Variants in SAMD12 observed in about 807,000 individuals in gnomAD.
The protein encoded by SAMD12 is sterile alpha motif domain-containing protein 12.
In SAMD12, 9 loss-of-function variants were observed where a neutral mutation model predicts 15.0. The ratio of observed to expected loss-of-function variants is 0.60; its 90% confidence interval spans 0.36 to 1.05. The LOEUF (loss-of-function observed/expected upper bound fraction) is 1.05. SAMD12 is among the 50% of genes least tolerant of loss of function. The pLI is 0.01. For synonymous variants in SAMD12, 86 were observed against 90.1 expected, an observed-to-expected ratio of 0.96 and a Z score of 0.25; for missense variants, 230 against 234.2, an observed-to-expected ratio of 0.98 and a Z score of 0.12.
At chr8:118,268,423 A>G (rs1484475957) in intron 4 of SAMD12, among the ~76,000 whole-genome samples, 2 of 152,162 alleles carry the variant, frequency 1.3e-5, no homozygotes, top group African/African-American at 4.8e-5. Context: ...CTGGGAAGCA[A>G]TGATAATCTT....
intron 2 of SAMD12, among the ~76,000 whole-genome samples, chr8:118,460,089 A>G (rs938966075): frequency 8.5e-5 from 13 of 152,214 alleles, no homozygotes; most frequent in African/African-American, 2.9e-4. Flanking sequence ...TTCCAATGAT[A>G]ATATGGCCTC....
intron 2 of SAMD12, among the ~76,000 whole-genome samples, chr8:118,521,306 T>C (rs1027119007): frequency 3.3e-5 from 5 of 152,184 alleles, no homozygotes; most frequent in Admixed American, 6.5e-5. Context: ...CTGGCTGCCA[T>C]GTCTATTTCC....
intron 4 of SAMD12, among the ~76,000 whole-genome samples, chr8:118,266,058 T>C (rs1453593316): frequency 6.6e-6 from 1 of 152,112 alleles, no homozygotes; most frequent in Non-Finnish European, 1.5e-5. Flanking sequence ...CTTACAATCA[T>C]GGCAGAGGGG....
At chr8:118,268,593 AC>A (rs1212220817) in intron 4 of SAMD12, among the ~76,000 whole-genome samples, 1 of 151,962 alleles carries the variant, frequency 6.6e-6, no homozygotes, top group Non-Finnish European at 1.5e-5. Context: ...GGCAGGCAGA[AC>A]ACCTGAGGTT....
intron 2 of SAMD12, among the ~76,000 whole-genome samples, chr8:118,481,330 T>G (rs2130990456): frequency 6.6e-6 from 1 of 152,304 alleles, no homozygotes; most frequent in Admixed American, 6.5e-5. Context: ...ACAGGCCATC[T>G]CTATTTAGGT....
intron 2 of SAMD12, among the ~76,000 whole-genome samples, chr8:118,550,478 T>C (rs1405187867): frequency 6.6e-6 from 1 of 152,162 alleles, no homozygotes; most frequent in Non-Finnish European, 1.5e-5. Context: ...AAGCAAATGC[T>C]GAGAGATTTT....
At chr8:118,383,935 A>T (rs1347421825) in intron 3 of SAMD12, among the ~76,000 whole-genome samples, 4 of 152,168 alleles carry the variant, frequency 2.6e-5, no homozygotes, top group Non-Finnish European at 5.9e-5. Context: ...AAGTAAACCG[A>T]CAACTAGATC....
chr8:118,341,226 C>T (rs1388574300), intron 4 of SAMD12, among the ~76,000 whole-genome samples: 2 of 152,252 alleles, frequency 1.3e-5, no homozygotes, highest in South Asian at 2.1e-4. Flanking sequence ...GGCCTTGTGA[C>T]ATGGTGCCTC....
At chr8:118,447,313 T>C (rs1822943905) in intron 2 of SAMD12, among the ~76,000 whole-genome samples, 1 of 151,988 alleles carries the variant, frequency 6.6e-6, no homozygotes, top group Non-Finnish European at 1.5e-5. Context: ...TTTTTTTTTT[T>C]CTTTTTTGAG....
intron 2 of SAMD12, among the ~76,000 whole-genome samples, chr8:118,554,693 T>TA (rs752618784): frequency 5.8e-4 from 83 of 143,950 alleles, no homozygotes; most frequent in Admixed American, 1.5e-3. Context: ...AAAAAAGAAC[T>TA]AAAAAAAAAA....
intron 2 of SAMD12, among the ~76,000 whole-genome samples, chr8:118,552,896 CAGAG>C (rs1318475985): frequency 2.0e-5 from 3 of 151,878 alleles, no homozygotes; most frequent in Admixed American, 1.3e-4. Context: ...AACAGACAAA[CAGAG>C]AGCCAAATCA....
chr8:118,478,576 G>T (rs1824031085), intron 2 of SAMD12, among the ~76,000 whole-genome samples: 1 of 152,196 alleles, frequency 6.6e-6, no homozygotes, highest in African/African-American at 2.4e-5. Context: ...CCCCTTTCAG[G>T]GTTGTGGCAA....
chr8:118,352,564 G>A, intron 4 of SAMD12, among the ~76,000 whole-genome samples: 1 of 152,142 alleles, frequency 6.6e-6, no homozygotes, highest in East Asian at 1.9e-4. Context: ...TAATGGAAGT[G>A]TCACCAAAGA....
At chr8:118,533,997 T>G (rs200557828) in intron 2 of SAMD12, among the ~76,000 whole-genome samples, 39 of 152,128 alleles carry the variant, frequency 2.6e-4, no homozygotes, top group Admixed American at 4.6e-4. Flanking sequence ...GATGTTAGCT[T>G]GTTATTTTGC....
At chr8:118,420,965 A>T (rs1449903582) in intron 3 of SAMD12, among the ~76,000 whole-genome samples, 1 of 152,176 alleles carries the variant, frequency 6.6e-6, no homozygotes, top group Non-Finnish European at 1.5e-5. Context: ...ACAAACATGG[A>T]GTTTAGCAGT....
At chr8:118,138,876 C>T in the SAMD12 span, among the ~76,000 whole-genome samples, 13 of 152,164 alleles carry the variant, frequency 8.5e-5, no homozygotes, top group African/African-American at 3.1e-4. Context: ...CTGGTGACTG[C>T]ACAAGCTCCA....
intron 4 of SAMD12, among the ~76,000 whole-genome samples, chr8:118,233,414 C>A (rs139393243): frequency 9.2e-5 from 14 of 152,160 alleles, no homozygotes; most frequent in African/African-American, 3.4e-4. Context: ...GACATCTTCC[C>A]GGACCTCTGT....
intron 4 of SAMD12, among the ~76,000 whole-genome samples, chr8:118,275,224 T>C (rs1813444793): frequency 6.6e-6 from 1 of 152,196 alleles, no homozygotes; most frequent in African/African-American, 2.4e-5. Flanking sequence ...TTACACAGTT[T>C]TTCTCCTTTA....
intron 2 of SAMD12, among the ~76,000 whole-genome samples, chr8:118,566,413 A>G (rs1461912985): frequency 1.3e-5 from 2 of 152,076 alleles, no homozygotes; most frequent in Non-Finnish European, 2.9e-5. Context: ...AATTCGCATT[A>G]TAGTACTTTT....
Sources: gnomAD v4.1 joint callset for allele counts (sites outside exome capture counted in the v4.1 genomes callset) on GRCh38, gnomAD v4.1.1 for gene constraint, MANE v1.5 for transcripts, NCBI Gene and HGNC (gene_info 2026-07-23, HGNC 2026-07-21) for gene names.